The following YOD1 variants were observed in gnomAD, a reference collection of about 807,000 sequenced individuals.
YOD1 encodes the protein ubiquitin thioesterase OTU1.
Under a neutral mutation model 23.7 loss-of-function variants are expected in YOD1, and 17 were observed. The observed-to-expected ratio is 0.72, with a 90% CI of 0.49 to 1.07. The LOEUF is 1.07. YOD1 is among the 50% of genes least tolerant of loss of function. The probability of loss-of-function intolerance (pLI) is 0.00; values close to 1 mark genes in which losing one functional copy is unlikely to be tolerated. For synonymous variants in YOD1, 191 were observed against 169.6 expected, an observed-to-expected ratio of 1.13 and a Z score of -0.98; for missense variants, 413 against 447.2, an observed-to-expected ratio of 0.92 and a Z score of 0.69.
Position 207,046,711 on chromosome 1 carries a change from T to C in YOD1, c.*2309A>G, listed in dbSNP as rs1682607126. The C allele has an allele frequency of 6.6e-6, 1 of 152,080 alleles. No individual in the cohort carries two copies. Among genetic ancestry groups the C allele is most frequent in the Non-Finnish European group, 1.5e-5 (1 of 67,922 alleles). The allele number at this position is 152,080 out of a possible 1,614,324, so 9.4% of individuals were successfully genotyped here. A position where few individuals can be genotyped will look rare whatever the true frequency, so the allele number is the denominator to read the frequency against. On this transcript the variant is annotated 3_prime_UTR_variant, in exon 2 of 2. Transcript: ENST00000315927. ...TAATATGTAAACAAAGCCCTTACAA[T>C]GAAGGGGTTTAATTCTGTAAAATAT...
At position 207,050,911 on chromosome 1, in the gene YOD1, G is replaced by C; in HGVS notation, c.120C>G (p.Gly40=). ...KAGPAGAWPV[G]SRTDTMWRLR... Reference sequence around the variant, plus strand: ...GCCGCCACATCGTGTCGGTCCGGCTGCCCACAGGCCAGGCACCCGCGGGGC... The same window carrying C: ...GCCGCCACATCGTGTCGGTCCGGCTCCCCACAGGCCAGGCACCCGCGGGGC... The change falls in exon 1 of 2, where the codon GGC becomes GGG. Residue 40 remains glycine (G), a synonymous_variant. Coordinates refer to ENST00000315927, the MANE Select transcript of YOD1 (RefSeq NM_018566.4). The C allele has an allele frequency of 1.9e-6, 3 of 1,602,748 alleles. No homozygotes were observed. The highest frequency in any genetic ancestry group is 2.6e-6 in the Non-Finnish European group (3 of 1,174,694).
Position 207,048,520 on chromosome 1 carries a change from G to A in YOD1, c.*500C>T, listed in dbSNP as rs1347565318. The A allele has an allele frequency of 6.5e-6, 1 of 154,690 alleles. No individual in the cohort carries two copies. Among genetic ancestry groups the A allele is most frequent in the African/African-American group, 2.4e-5 (1 of 41,466 alleles). The allele number at this position is 154,690 out of a possible 1,614,324, so 9.6% of individuals were successfully genotyped here. A position where few individuals can be genotyped will look rare whatever the true frequency, so the allele number is the denominator to read the frequency against. Reference sequence around the variant, plus strand: ...TTTTTAAAAAGACTCAGTTACTGGAGACACTGTGGTAAATGTCCAGTGGAC... The same window carrying A: ...TTTTTAAAAAGACTCAGTTACTGGAAACACTGTGGTAAATGTCCAGTGGAC... On this transcript the variant is annotated 3_prime_UTR_variant, in exon 2 of 2. Transcript: ENST00000315927.
chr1:207,044,141 T>C lies in YOD1; in HGVS notation c.*4879A>G, dbSNP rs138501759. ...ATCCCTACTTTTTCAAGTCATATTC[T>C]AAAGCTCTAATTTGACGGTCTTTAC... On this transcript the variant is annotated 3_prime_UTR_variant, in exon 2 of 2. Transcript: ENST00000315927. 1.3e-5 allele frequency: 2 copies of C among 152,600 alleles called. No homozygotes were observed. The highest frequency in any genetic ancestry group is 3.9e-4 in the East Asian group (2 of 5,192). 9.5% of individuals were successfully genotyped at this position (152,600 alleles called of 1,614,324 possible). A position where few individuals can be genotyped will look rare whatever the true frequency, so the allele number is the denominator to read the frequency against.
In YOD1 at chr1:207,049,193, T is replaced by C. The variant is rs1473835313; in HGVS notation, c.874A>G (p.Ile292Val). 2.5e-6 allele frequency: 4 copies of C among 1,614,058 alleles called. No individual in the cohort carries two copies. The South Asian group carries it at 4.4e-5, about 18-fold the overall frequency. ...AATTCCAGTGCTTGTACAAGAACAA[T>C]ATCATCATTAGAGGAGAAAATGGTC... The part of the protein sequence containing the change: ...PLTIFSSNDD[I>V]VLVQALELAD... The change falls in exon 2 of 2, where the codon ATT becomes GTT. Residue 292 changes from isoleucine to valine, a missense_variant. Coordinates refer to ENST00000315927, the MANE Select transcript of YOD1 (RefSeq NM_018566.4).
chr1:207,047,040 T>A lies in YOD1; in HGVS notation c.*1980A>T, dbSNP rs1682616152. 1 of 152,408 alleles carries A rather than the reference T, an allele frequency of 6.6e-6. No individual in the cohort carries two copies. Among genetic ancestry groups the A allele is most frequent in the African/African-American group, 2.4e-5 (1 of 41,444 alleles). 9.4% of individuals were successfully genotyped at this position (152,408 alleles called of 1,614,324 possible). A position where few individuals can be genotyped will look rare whatever the true frequency, so the allele number is the denominator to read the frequency against. On this transcript the variant is annotated 3_prime_UTR_variant, in exon 2 of 2. Coordinates refer to ENST00000315927, the MANE Select transcript of YOD1 (RefSeq NM_018566.4). ...TTGTTATCTAGTGGTATATTCTTAA[T>A]TTACAGTTTTAAATTTAGTATTTTC...
rs1682632945 is a variant in YOD1, at chr1:207,047,728, G to A, written c.*1292C>T. 6.6e-6 allele frequency: 1 copy of A among 152,618 alleles called. No homozygotes were observed. The highest frequency in any genetic ancestry group is 2.4e-5 in the African/African-American group (1 of 41,452). 9.5% of individuals were successfully genotyped at this position (152,618 alleles called of 1,614,324 possible). On this transcript the variant is annotated 3_prime_UTR_variant, in exon 2 of 2. Coordinates refer to ENST00000315927, the MANE Select transcript of YOD1 (RefSeq NM_018566.4). ...CACTAAGCAAATGGCTACACATCTAGTACTAGGAAGAAGCAGAATTCTGAG... is the reference window on the plus strand; with the variant it reads ...CACTAAGCAAATGGCTACACATCTAATACTAGGAAGAAGCAGAATTCTGAG...
rs1385611 is a variant in YOD1, at chr1:207,048,064, T to C, written c.*956A>G. On this transcript the variant is annotated 3_prime_UTR_variant, in exon 2 of 2. Coordinates refer to ENST00000315927, the MANE Select transcript of YOD1 (RefSeq NM_018566.4). ...TAACAAAAAGCTGAGAAAATTAAAT[T>C]CCCCCCGATAAACTTTACGCAAATG... is the stretch of plus-strand genomic sequence containing the variant. 151,002 of 152,670 alleles carry C rather than the reference T, an allele frequency of 0.99. 74,676 individuals are homozygous for C. Among genetic ancestry groups the C allele is most frequent in the Middle Eastern group, 1 (294 of 294 alleles). The allele number at this position is 152,670 out of a possible 1,614,324, so 9.5% of individuals were successfully genotyped here. A position where few individuals can be genotyped will look rare whatever the true frequency, so the allele number is the denominator to read the frequency against.
intron 1 of YOD1, among the ~76,000 whole-genome samples, chr1:207,049,989 A>G (rs1682697233): frequency 6.6e-6 from 1 of 152,236 alleles, no homozygotes; most frequent in Non-Finnish European, 1.5e-5. Context: ...TTACCTAAAA[A>G]GATACATTTC....
upstream of YOD1, chr1:207,052,068 C>G (rs769452681): frequency 6.1e-6 from 5 of 820,414 alleles, no homozygotes; most frequent in Non-Finnish European, 1.0e-5. Context: ...ACTCATTGTT[C>G]TTTATCCAGC....
At position 207,048,553 on chromosome 1, in the gene YOD1, A is replaced by C. The variant is rs1029573412; in HGVS notation, c.*467T>G. 1.3e-5 allele frequency: 2 copies of C among 156,752 alleles called. No individual in the cohort carries two copies. Among genetic ancestry groups the C allele is most frequent in the African/African-American group, 2.4e-5 (1 of 41,488 alleles). The allele number at this position is 156,752 out of a possible 1,614,324, so 9.7% of individuals were successfully genotyped here. On this transcript the variant is annotated 3_prime_UTR_variant, in exon 2 of 2. Coordinates refer to ENST00000315927, the MANE Select transcript of YOD1 (RefSeq NM_018566.4). Reference sequence around the variant, plus strand: ...GGTAAATGTCCAGTGGACTCACAGGAGGCCTTCCACATTACCCAAAATGTG... The same window carrying C: ...GGTAAATGTCCAGTGGACTCACAGGCGGCCTTCCACATTACCCAAAATGTG...
chr1:207,052,153 T>C, upstream of YOD1: 1 of 1,607,916 alleles, frequency 6.2e-7, no homozygotes, highest in South Asian at 1.1e-5. Context: ...GGGGCAACTA[T>C]GAAAAGTGTA....
Position 207,048,993 on chromosome 1 carries a change from A to C in YOD1, c.*27T>G. The C allele has an allele frequency of 6.3e-7, 1 of 1,593,638 alleles. No homozygotes were observed. Among genetic ancestry groups the C allele is most frequent in the Non-Finnish European group, 8.6e-7 (1 of 1,167,656 alleles). ...GAGCCTTCTGGATGTGTGAGGTAGT[A>C]GGCTTCAACCCTCATTCATGCATAG... On this transcript the variant is annotated 3_prime_UTR_variant, in exon 2 of 2. Transcript: ENST00000315927.
chr1:207,045,031 TG>T lies in YOD1; in HGVS notation c.*3988del, dbSNP rs1410722631. ...TCTTTTTATGTGGAATGAAATGTGC[TG>T]AAATACTGTAACATAAGAAAACAGC... On this transcript the variant is annotated 3_prime_UTR_variant, in exon 2 of 2. Transcript: ENST00000315927. 37 of 152,672 alleles carry T rather than the reference TG, an allele frequency of 2.4e-4. No homozygotes were observed. The highest frequency in any genetic ancestry group is 8.2e-4 in the African/African-American group (34 of 41,598). The allele number at this position is 152,672 out of a possible 1,614,324, so 9.5% of individuals were successfully genotyped here. A position where few individuals can be genotyped will look rare whatever the true frequency, so the allele number is the denominator to read the frequency against.
rs1682729027 is a variant in YOD1, at chr1:207,050,897, G to A, written c.134C>T (p.Thr45Met). The change falls in exon 1 of 2, where the codon ACG becomes ATG. Residue 45 changes from threonine (T) to methionine (M), a missense_variant. By Grantham distance (81) the Thr-to-Met change is moderately conservative. Coordinates refer to ENST00000315927, the MANE Select transcript of YOD1 (RefSeq NM_018566.4). Reference sequence around the variant, plus strand: ...GGCCTTGCAGCGGAGCCGCCACATCGTGTCGGTCCGGCTGCCCACAGGCCA... The same window carrying A: ...GGCCTTGCAGCGGAGCCGCCACATCATGTCGGTCCGGCTGCCCACAGGCCA... ...GAWPVGSRTD[T>M]MWRLRCKAKD... 1.2e-6 allele frequency: 2 copies of A among 1,607,746 alleles called. No homozygotes were observed. The highest frequency in any genetic ancestry group is 1.3e-5 in the African/African-American group (1 of 74,938).
rs1170169625 is a variant in YOD1 at position 207,046,080 on chromosome 1, T to C, written c.*2940A>G. 1 of 152,072 alleles carries C rather than the reference T, an allele frequency of 6.6e-6. No individual in the cohort carries two copies. Among genetic ancestry groups the C allele is most frequent in the Non-Finnish European group, 1.5e-5 (1 of 67,916 alleles). 9.4% of individuals were successfully genotyped at this position (152,072 alleles called of 1,614,324 possible). On this transcript the variant is annotated 3_prime_UTR_variant, in exon 2 of 2. Coordinates refer to ENST00000315927, the MANE Select transcript of YOD1 (RefSeq NM_018566.4). Reference sequence around the variant, plus strand: ...CACTTTATTCAGGAGTGAATCTTCATAGTACTACACCTGACCTTTAATCCA... The same window carrying C: ...CACTTTATTCAGGAGTGAATCTTCACAGTACTACACCTGACCTTTAATCCA...
rs1296821615 is a variant in YOD1 at position 207,047,034 on chromosome 1, T to A, written c.*1986A>T. The stretch of plus-strand genomic sequence containing the variant: ...TGATAATTGTTATCTAGTGGTATAT[T>A]CTTAATTTACAGTTTTAAATTTAGT... On this transcript the variant is annotated 3_prime_UTR_variant, in exon 2 of 2. Coordinates refer to ENST00000315927, the MANE Select transcript of YOD1 (RefSeq NM_018566.4). 5 of 152,430 alleles carry A rather than the reference T, an allele frequency of 3.3e-5. No homozygotes were observed. The highest frequency in any genetic ancestry group is 5.9e-5 in the Non-Finnish European group (4 of 67,952). The allele number at this position is 152,430 out of a possible 1,614,324, so 9.4% of individuals were successfully genotyped here.
chr1:207,051,424 G>A (rs1466267541), upstream of YOD1, among the ~76,000 whole-genome samples: 1 of 152,198 alleles, frequency 6.6e-6, no homozygotes, highest in Non-Finnish European at 1.5e-5. Flanking sequence ...GTGAGTCAAA[G>A]GACCAGTCAA....
At chr1:207,051,625 G>A (rs1018917780), upstream of YOD1, among the ~76,000 whole-genome samples, 2 of 152,216 alleles carry the variant, frequency 1.3e-5, no homozygotes, top group South Asian at 4.1e-4. Flanking sequence ...TGGTGGCAGT[G>A]TAAGGAGGAG....
At chr1:207,050,587 C>A (rs973543293) in intron 1 of YOD1, 101 bp downstream of exon 1, 2 of 1,520,620 alleles carry the variant, frequency 1.3e-6, no homozygotes, top group South Asian at 1.2e-5. Flanking sequence ...AAAGCCCCCC[C>A]GCCGACTCAC....
Sources: allele counts gnomAD v4.1 joint callset (sites outside exome capture counted in the v4.1 genomes callset), GRCh38; gene constraint gnomAD v4.1.1; transcripts MANE v1.5; gene names NCBI Gene and HGNC (gene_info 2026-07-23, HGNC 2026-07-21).